The following PIK3CA variants were observed in gnomAD, a reference collection of about 807,000 sequenced individuals.
PIK3CA encodes the protein phosphatidylinositol-4,5-bisphosphate 3-kinase catalytic subunit alpha.
A neutral mutation model predicts 138.2 loss-of-function variants in PIK3CA; 27 were observed. The observed-to-expected ratio is 0.20, with a 90% CI of 0.14 to 0.27. The LOEUF (loss-of-function observed/expected upper bound fraction) is 0.27, where lower values mean the gene tolerates loss of function less well. PIK3CA is among the 10% of genes least tolerant of loss of function. The probability of loss-of-function intolerance (pLI) is 1.00; values close to 1 mark genes in which losing one functional copy is unlikely to be tolerated. For missense variants in PIK3CA, 544 were observed against 1,277.4 expected (o/e 0.43, Z 8.75); for synonymous variants, 358 against 413.2 (o/e 0.87, Z 1.62).
At position 179,235,445 on chromosome 3, in the gene PIK3CA, A is replaced by G. The variant is rs1163809374; in HGVS notation, c.*1081A>G. ...CAGCTTTCTTCTTGATCTATAGATG[A>G]GGCTCAGGCACTATCCCATTTATAC... is the stretch of plus-strand genomic sequence containing the variant. On this transcript the variant is annotated 3_prime_UTR_variant, in exon 21 of 21. Transcript: ENST00000263967. 4.2e-5 allele frequency: 8 copies of G among 188,332 alleles called. No homozygotes were observed. In the East Asian group the frequency reaches 5.9e-4, roughly 14 times the overall value. The allele number at this position is 188,332 out of a possible 1,614,324, so 11.7% of individuals were successfully genotyped here.
intron 1 of PIK3CA, among the ~76,000 whole-genome samples, chr3:179,157,822 T>G (rs1428929699): frequency 6.6e-6 from 1 of 152,142 alleles, no homozygotes; most frequent in Non-Finnish European, 1.5e-5. Flanking sequence ...CTATCGAGAT[T>G]ACTAGTTTTG....
At chr3:179,155,408 C>G (rs1413712000) in intron 1 of PIK3CA, among the ~76,000 whole-genome samples, 2 of 152,128 alleles carry the variant, frequency 1.3e-5, no homozygotes, top group African/African-American at 4.8e-5. Flanking sequence ...CTTATTTGAT[C>G]ATTTATTGAG....
chr3:179,224,862 GCTAT>G (rs777853473), intron 16 of PIK3CA, 41 bp downstream of exon 16: 2 of 1,459,846 alleles, frequency 1.4e-6, no homozygotes, highest in Non-Finnish European at 1.9e-6. Context: ...CATGAATTTA[GCTAT>G]CTTTTTATAC....
intron 9 of PIK3CA, 124 bp downstream of exon 9, chr3:179,210,689 A>T: frequency 5.7e-6 from 5 of 871,826 alleles, no homozygotes; most frequent in Non-Finnish European, 8.8e-6. Flanking sequence ...TAGGACCAAT[A>T]TTGCAATAGA....
chr3:179,172,986 T>G lies in PIK3CA; in HGVS notation c.-77+24383T>G, dbSNP rs1338406571. On this transcript the variant is annotated intron_variant, in intron 1 of 20. Transcript: ENST00000263967. ...GACATATAGATGGATGAAAGAGATT[T>G]GAAAATCTAGAAAGAGTAATTCTTA... Among the ~76,000 whole-genome samples the G allele has an allele frequency of 4.6e-5, 7 of 152,320 alleles. No homozygotes were observed. The East Asian group carries it at 7.7e-4, about 17-fold the overall frequency.
chr3:179,203,152 G>A (rs915183550), intron 4 of PIK3CA, among the ~76,000 whole-genome samples: 17 of 151,940 alleles, frequency 1.1e-4, no homozygotes, highest in Non-Finnish European at 2.1e-4. Context: ...GTTTTAGCCA[G>A]GATGGTCTCG....
chr3:179,195,151 G>A (rs553485728), intron 1 of PIK3CA, among the ~76,000 whole-genome samples: 2 of 151,946 alleles, frequency 1.3e-5, no homozygotes, highest in East Asian at 3.9e-4. Flanking sequence ...ACCGGCATCT[G>A]AGCCACTCAG....
chr3:179,181,196 G>A (rs989308472), intron 1 of PIK3CA, among the ~76,000 whole-genome samples: 3 of 152,112 alleles, frequency 2.0e-5, no homozygotes, highest in African/African-American at 7.2e-5. Flanking sequence ...TGGAGTGTGT[G>A]AATAGAGAAA....
intron 1 of PIK3CA, among the ~76,000 whole-genome samples, chr3:179,192,805 G>A (rs950070622): frequency 3.9e-5 from 6 of 152,218 alleles, no homozygotes; most frequent in Non-Finnish European, 7.3e-5. Flanking sequence ...ATGCTTTGAC[G>A]ACCCTTGCCT....
chr3:179,204,552 A>G lies in PIK3CA; in HGVS notation c.1109A>G (p.Asn370Ser). The change falls in exon 6 of 21, where the codon AAT (asparagine) becomes AGT (serine). Residue 370 changes from asparagine (N) to serine (S), a missense_variant. Asn to Ser is a conservative substitution (Grantham distance 46, BLOSUM62 1). Coordinates refer to ENST00000263967, the MANE Select transcript of PIK3CA (RefSeq NM_006218.4). The part of the protein sequence containing the change: ...IYHGGEPLCD[N>S]VNTQRVPCSN... ...CATGGAGGAGAACCCTTATGTGACA[A>G]TGTGAACACTCAAAGAGTACCTTGT... The G allele has an allele frequency of 1.3e-6, 2 of 1,590,002 alleles. No homozygotes were observed. Among genetic ancestry groups the G allele is most frequent in the Non-Finnish European group, 1.7e-6 (2 of 1,158,352 alleles).
Position 179,200,187 on chromosome 3 carries a change from G to A in PIK3CA, c.562+288G>A, listed in dbSNP as rs140703928. Among the ~76,000 whole-genome samples the A allele has an allele frequency of 2.5e-3, 382 of 151,992 alleles. 1 individual carries two copies. The highest frequency in any genetic ancestry group is 8.9e-3 in the African/African-American group (371 of 41,510). On this transcript the variant is annotated intron_variant, in intron 3 of 20. Transcript: ENST00000263967. ...TACTATTTTTTAGGATTCAGAATTA[G>A]AGCTGATTATCTTTTCATAAATAAA... is the stretch of plus-strand genomic sequence containing the variant.
rs17849078 is a variant in PIK3CA at position 179,230,004 on chromosome 3, A to T, written c.2667A>T (p.Ile889=). Residue 889 remains isoleucine (I), a splice_region_variant and synonymous_variant, in exon 19 of 21, where the codon ATA becomes ATT. Coordinates refer to ENST00000263967, the MANE Select transcript of PIK3CA (RefSeq NM_006218.4). The surrounding 1 kb of genome is among the most constrained non-coding windows in gnomAD (Gnocchi z 5.4). ...QWLKDKNKGE[I]YDAAIDLFTR... ...CTCATGAGGTGTTTATTCTTTGTAGATATGATGCAGCCATTGACCTGTTTA... is the reference window on the plus strand; with the variant it reads ...CTCATGAGGTGTTTATTCTTTGTAGTTATGATGCAGCCATTGACCTGTTTA... 1 of 1,603,622 alleles carries T rather than the reference A, an allele frequency of 6.2e-7. No homozygotes were observed. Among genetic ancestry groups the T allele is most frequent in the Admixed American group, 1.7e-5 (1 of 59,648 alleles).
At chr3:179,214,066 T>C (rs1724782623) in intron 9 of PIK3CA, among the ~76,000 whole-genome samples, 1 of 152,246 alleles carries the variant, frequency 6.6e-6, no homozygotes, top group Non-Finnish European at 1.5e-5. Flanking sequence ...GGAAAAGTTG[T>C]GGCTGGTTTG....
intron 1 of PIK3CA, among the ~76,000 whole-genome samples, chr3:179,153,965 C>T (rs1271591513): frequency 1.3e-5 from 2 of 152,320 alleles, no homozygotes; most frequent in East Asian, 1.9e-4. Context: ...TATTTTATCA[C>T]TGTATACCTT....
At chr3:179,149,805 T>C (rs1393157192) in intron 1 of PIK3CA, 3 of 152,244 alleles carry the variant, frequency 2.0e-5, no homozygotes, top group African/African-American at 7.2e-5. Context: ...TTATCCTGCT[T>C]AGAAATTGAA....
chr3:179,171,748 A>C (rs1288564354), intron 1 of PIK3CA, among the ~76,000 whole-genome samples: 1 of 152,176 alleles, frequency 6.6e-6, no homozygotes, highest in East Asian at 1.9e-4. Context: ...TAGTAGTTTA[A>C]AACTTCCAAT....
intron 1 of PIK3CA, among the ~76,000 whole-genome samples, chr3:179,155,817 T>C (rs566363453): frequency 1.3e-5 from 2 of 152,292 alleles, no homozygotes; most frequent in East Asian, 3.9e-4. Flanking sequence ...TCTATTGATA[T>C]TTGGAGACAT....
chr3:179,181,934 T>C (rs574985132), intron 1 of PIK3CA, among the ~76,000 whole-genome samples: 1 of 152,334 alleles, frequency 6.6e-6, no homozygotes, highest in African/African-American at 2.4e-5. Context: ...CACATATTTA[T>C]CTCTGTAATT....
In PIK3CA at chr3:179,234,116, G is replaced by T. The variant is rs767952819; in HGVS notation, c.2959G>T (p.Ala987Ser). 6.2e-7 allele frequency: 1 copy of T among 1,611,556 alleles called. No individual in the cohort carries two copies. The highest frequency in any genetic ancestry group is 8.5e-7 in the Non-Finnish European group (1 of 1,178,064). Reference protein sequence around the residue: ...FERFQEMCYKAYLAIRQHANL... With the variant: ...FERFQEMCYKSYLAIRQHANL... ...TAGGTTTCAGGAGATGTGTTACAAG[G>T]CTTATCTAGCTATTCGACAGCATGC... is the stretch of plus-strand genomic sequence containing the variant. Residue 987 changes from alanine (A) to serine (S), a missense_variant, in exon 21 of 21, where the codon GCT (alanine) becomes TCT (serine). Coordinates refer to ENST00000263967, the MANE Select transcript of PIK3CA (RefSeq NM_006218.4). This position sits in a 1 kb window ranked among gnomAD's most constrained non-coding sequence, Gnocchi z 5.1.
Sources: allele counts gnomAD v4.1 joint callset (sites outside exome capture counted in the v4.1 genomes callset), GRCh38; gene constraint gnomAD v4.1.1; non-coding constraint Gnocchi (gnomAD v3.1); transcripts MANE v1.5; gene names NCBI Gene and HGNC (gene_info 2026-07-23, HGNC 2026-07-21).